The following STEAP1B variants were observed in gnomAD, a reference collection of about 807,000 sequenced individuals.
The protein encoded by STEAP1B is STEAP family member 1B.
Under a neutral mutation model 27.9 loss-of-function variants are expected in STEAP1B, and 13 were observed. The observed-to-expected ratio is 0.47, with a 90% CI of 0.30 to 0.74. The LOEUF (loss-of-function observed/expected upper bound fraction) is 0.74, where lower values mean the gene tolerates loss of function less well. STEAP1B is among the 30% of genes least tolerant of loss of function. The pLI is 0.06. For missense variants in STEAP1B, 250 were observed against 298.7 expected, an observed-to-expected ratio of 0.84 and a Z score of 1.20; for synonymous variants, 86 against 107.1, an observed-to-expected ratio of 0.80 and a Z score of 1.22.
At chr7:22,471,135 T>C (rs568520687) in intron 4 of STEAP1B, among the ~76,000 whole-genome samples, 120 of 152,328 alleles carry the variant, frequency 7.9e-4, no homozygotes, top group African/African-American at 2.7e-3. Flanking sequence ...GCTTTTCCTC[T>C]CCCACACAGC....
intron 2 of STEAP1B, 111 bp downstream of exon 2, chr7:22,494,661 A>C: frequency 1.4e-6 from 1 of 739,088 alleles, no homozygotes; most frequent in African/African-American, 1.8e-5. Flanking sequence ...TCCAGATATC[A>C]GCAGACTAGG....
At chr7:22,469,215 A>G (rs956423613) in intron 4 of STEAP1B, among the ~76,000 whole-genome samples, 2 of 152,168 alleles carry the variant, frequency 1.3e-5, no homozygotes, top group African/African-American at 4.8e-5. Context: ...TTTTAACAAA[A>G]ATTTTAAGAA....
At chr7:22,494,296 T>C (rs1202238889) in intron 2 of STEAP1B, among the ~76,000 whole-genome samples, 4 of 151,878 alleles carry the variant, frequency 2.6e-5, no homozygotes, top group Non-Finnish European at 5.9e-5. Flanking sequence ...GAAAAAGTGA[T>C]TCTTATCTAA....
chr7:22,425,688 G>A (rs1368394431), intron 4 of STEAP1B, among the ~76,000 whole-genome samples: 7 of 152,202 alleles, frequency 4.6e-5, no homozygotes, highest in Non-Finnish European at 8.8e-5. Context: ...AGGTACCAAT[G>A]TTTATATTCC....
At chr7:22,438,416 C>T in intron 4 of STEAP1B, 1 of 1,464,268 alleles carries the variant, frequency 6.8e-7, no homozygotes, top group Non-Finnish European at 9.0e-7. Context: ...GTACTTCCAG[C>T]TTCTACCATG....
At position 22,492,319 on chromosome 7, in the gene STEAP1B, C is replaced by CAAAAAAAAA. The variant is rs56679156; in HGVS notation, c.762+237_762+245dup. The CAAAAAAAAA allele has an allele frequency of 3.2e-3, 178 of 54,806 alleles. 18 individuals carry two copies. Among genetic ancestry groups the CAAAAAAAAA allele is most frequent in the East Asian group, 0.011 (13 of 1,216 alleles). The allele number at this position is 54,806 out of a possible 1,614,324, so 3.4% of individuals were successfully genotyped here. A position where few individuals can be genotyped will look rare whatever the true frequency, so the allele number is the denominator to read the frequency against. On this transcript the variant is annotated intron_variant, in intron 4 of 4. Transcript: ENST00000678116. ...GGGCAACAGAGCGAGACTTCATCTC[C>CAAAAAAAAA]AAAAAAAAAAAAAAAAAAAAAAAAA...
intron 4 of STEAP1B, among the ~76,000 whole-genome samples, chr7:22,456,951 G>GATATATATATATATATATATAT (rs1562573636): frequency 3.7e-5 from 1 of 27,042 alleles, no homozygotes; most frequent in Non-Finnish European, 9.2e-5. Context: ...GGGATAGGCA[G>GATATATATATATATATATATAT]CTATATATAT....
rs1419747004 is a variant in STEAP1B at position 22,491,501 on chromosome 7, G to A, written c.762+1064C>T. Among the ~76,000 whole-genome samples, 5 of 152,108 alleles carry A rather than the reference G, an allele frequency of 3.3e-5. No individual in the cohort carries two copies. The East Asian group carries it at 9.6e-4, about 29-fold the overall frequency. On this transcript the variant is annotated intron_variant, in intron 4 of 4. Coordinates refer to ENST00000678116, the MANE Select transcript of STEAP1B (RefSeq NM_001382447.1). ...GAGAGAAAGGAGTTCCTTCAGGCTGGGATGACTATAGAAATCTATATGGAA... is the reference window on the plus strand; with the variant it reads ...GAGAGAAAGGAGTTCCTTCAGGCTGAGATGACTATAGAAATCTATATGGAA...
At chr7:22,471,893 C>CAA (rs59453902) in intron 4 of STEAP1B, among the ~76,000 whole-genome samples, 5,109 of 59,732 alleles carry the variant, frequency 0.086, 172 homozygotes, top group East Asian at 0.24. Context: ...AACCTGTCTC[C>CAA]AAAAAAAAAA....
chr7:22,480,767 C>T (rs139598042), intron 4 of STEAP1B, among the ~76,000 whole-genome samples: 98 of 152,250 alleles, frequency 6.4e-4, no homozygotes, highest in African/African-American at 2.1e-3. Context: ...TGCTATCTCC[C>T]GTCAGAAACC....
chr7:22,464,948 C>CATATATAT (rs75308240), intron 4 of STEAP1B, among the ~76,000 whole-genome samples: 4,407 of 44,998 alleles, frequency 0.098, 1,133 homozygotes, highest in African/African-American at 0.23. Flanking sequence ...TACCAAACCC[C>CATATATAT]ATATATATAT....
chr7:22,494,579 C>T (rs534007454), intron 2 of STEAP1B, among the ~76,000 whole-genome samples, 193 bp downstream of exon 2: 1 of 152,252 alleles, frequency 6.6e-6, no homozygotes, highest in South Asian at 2.1e-4. Context: ...AAGTCCCTGA[C>T]AATCAGTGAA....
At chr7:22,436,966 ACAACAAAAGCAATTG>A (rs1785262911) in intron 4 of STEAP1B, among the ~76,000 whole-genome samples, 1 of 152,208 alleles carries the variant, frequency 6.6e-6, no homozygotes, top group African/African-American at 2.4e-5. Context: ...CATGATGAAG[ACAACAAAAGCAATTG>A]CAACAAAAGC....
At chr7:22,489,993 T>C (rs1786292040) in intron 4 of STEAP1B, among the ~76,000 whole-genome samples, 1 of 152,230 alleles carries the variant, frequency 6.6e-6, no homozygotes. Context: ...GCCTCTGAAG[T>C]GCTTGAATTC....
chr7:22,443,775 C>G (rs1218499606), intron 4 of STEAP1B, among the ~76,000 whole-genome samples: 1 of 152,144 alleles, frequency 6.6e-6, no homozygotes, highest in African/African-American at 2.4e-5. Flanking sequence ...GCATTCAGCT[C>G]CCTCCTGCCC....
intron 4 of STEAP1B, among the ~76,000 whole-genome samples, chr7:22,472,564 C>T (rs1043029055): frequency 6.6e-6 from 1 of 152,220 alleles, no homozygotes; most frequent in Admixed American, 6.5e-5. Flanking sequence ...AGTAATTCAA[C>T]ATTGAATCTA....
chr7:22,466,208 AAC>A (rs369308694), intron 4 of STEAP1B, among the ~76,000 whole-genome samples: 16 of 152,286 alleles, frequency 1.1e-4, no homozygotes, highest in Non-Finnish European at 2.1e-4. Context: ...TCTTGTGTAC[AAC>A]AGTTTTTTTT....
At chr7:22,492,277 C>T in intron 4 of STEAP1B, 1 of 172,754 alleles carries the variant, frequency 5.8e-6, no homozygotes, top group Non-Finnish European at 1.1e-5. Flanking sequence ...CGAGATCGTG[C>T]CACCATACTC....
intron 3 of STEAP1B, 95 bp from the exon 4 acceptor site, chr7:22,492,824 A>C: frequency 6.9e-7 from 1 of 1,456,114 alleles, no homozygotes; most frequent in Non-Finnish European, 9.0e-7. Context: ...TGTACTATGA[A>C]GCCCTGATAA....
Sources: gnomAD v4.1 joint callset for allele counts (sites outside exome capture counted in the v4.1 genomes callset) on GRCh38, gnomAD v4.1.1 for gene constraint, MANE v1.5 for transcripts, NCBI Gene and HGNC (gene_info 2026-07-23, HGNC 2026-07-21) for gene names.